ROBO1: variants seen among roughly 807,000 people sequenced by gnomAD.
ROBO1 encodes the protein roundabout guidance receptor 1.
ROBO1 carries 149 observed loss-of-function variants against 195.9 expected under a neutral mutation model. The observed-to-expected ratio is 0.76, with a 90% CI of 0.67 to 0.87. ROBO1 has a LOEUF of 0.87. ROBO1 is among the 40% of genes least tolerant of loss of function. The pLI is 0.00. For missense variants in ROBO1, 1,933 were observed against 2,068.3 expected (o/e 0.93, Z 1.27); for synonymous variants, 816 against 733.2 (o/e 1.11, Z -1.82).
chr3:79,299,315 T>C (rs2032765570), intron 2 of ROBO1, among the ~76,000 whole-genome samples: 1 of 152,196 alleles, frequency 6.6e-6, no homozygotes, highest in African/African-American at 2.4e-5. Flanking sequence ...AACTAGAGTG[T>C]AATGTTCAGT....
intron 2 of ROBO1, among the ~76,000 whole-genome samples, chr3:79,516,655 TG>T (rs1940957948): frequency 6.6e-6 from 1 of 152,190 alleles, no homozygotes; most frequent in South Asian, 2.1e-4. Context: ...AACTTTAATA[TG>T]TAGAGATCTT....
At chr3:79,421,361 C>T (rs1323574449) in intron 2 of ROBO1, among the ~76,000 whole-genome samples, 3 of 151,906 alleles carry the variant, frequency 2.0e-5, no homozygotes, top group Non-Finnish European at 4.4e-5. Context: ...CACATGTACC[C>T]TCATTCTAAA....
At chr3:79,700,288 C>CGT (rs141865243) in intron 1 of ROBO1, among the ~76,000 whole-genome samples, 4,607 of 147,664 alleles carry the variant, frequency 0.031, 162 homozygotes, top group African/African-American at 0.092. Context: ...GTGATGAACA[C>CGT]GTGTGTGTGT....
At chr3:79,218,199 G>A (rs984623771) in intron 2 of ROBO1, among the ~76,000 whole-genome samples, 3 of 151,940 alleles carry the variant, frequency 2.0e-5, no homozygotes, top group African/African-American at 7.2e-5. Context: ...CTTACATGAT[G>A]AGTGATAAAA....
chr3:79,235,654 T>C (rs1438097261), intron 2 of ROBO1, among the ~76,000 whole-genome samples: 1 of 152,156 alleles, frequency 6.6e-6, no homozygotes, highest in East Asian at 1.9e-4. Flanking sequence ...TATCACAACT[T>C]GGCTTTTCCT....
chr3:79,006,616 C>T (rs541025404), intron 3 of ROBO1, among the ~76,000 whole-genome samples: 1 of 152,076 alleles, frequency 6.6e-6, no homozygotes, highest in East Asian at 1.9e-4. Flanking sequence ...TCTGAAAGTC[C>T]ATCTGAAAGT....
intron 26 of ROBO1, among the ~76,000 whole-genome samples, chr3:78,619,498 A>G (rs2107413722): frequency 6.6e-6 from 1 of 151,628 alleles, no homozygotes; most frequent in Middle Eastern, 3.4e-3. Flanking sequence ...GTAAGATGAG[A>G]TAAGAATAGC....
intron 2 of ROBO1, among the ~76,000 whole-genome samples, chr3:79,536,350 T>C (rs1045427506): frequency 6.6e-6 from 1 of 152,162 alleles, no homozygotes; most frequent in African/African-American, 2.4e-5. Flanking sequence ...TGTGTATTTG[T>C]TCATTCCAGT....
intron 2 of ROBO1, among the ~76,000 whole-genome samples, chr3:79,328,749 C>T (rs1038624452): frequency 2.0e-5 from 3 of 151,990 alleles, no homozygotes; most frequent in African/African-American, 7.3e-5. Context: ...CTGTACCCAA[C>T]GTGTAGGCTT....
At chr3:79,522,325 T>G (rs374621505) in intron 2 of ROBO1, among the ~76,000 whole-genome samples, 1 of 121,564 alleles carries the variant, frequency 8.2e-6, no homozygotes, top group African/African-American at 3.6e-5. Flanking sequence ...TTCCCAAGAC[T>G]GTTACTTTTT....
At chr3:78,638,341 T>C (rs1705686574) in intron 22 of ROBO1, among the ~76,000 whole-genome samples, 1 of 150,544 alleles carries the variant, frequency 6.6e-6, no homozygotes, top group Non-Finnish European at 1.5e-5. Context: ...ACACTTAATA[T>C]GTACATATAT....
intron 2 of ROBO1, among the ~76,000 whole-genome samples, chr3:79,495,086 A>G (rs1939661806): frequency 6.6e-6 from 1 of 152,196 alleles, no homozygotes; most frequent in Non-Finnish European, 1.5e-5. Flanking sequence ...GTATACTCTG[A>G]AAGCCAGATT....
chr3:79,552,331 A>T (rs375296388), intron 2 of ROBO1, among the ~76,000 whole-genome samples: 1 of 152,052 alleles, frequency 6.6e-6, no homozygotes, highest in Non-Finnish European at 1.5e-5. Context: ...TCAGTTTCAT[A>T]TGTTAGATTC....
intron 4 of ROBO1, among the ~76,000 whole-genome samples, chr3:78,825,016 T>C (rs2031451728): frequency 6.6e-6 from 1 of 152,200 alleles, no homozygotes; most frequent in African/African-American, 2.4e-5. Context: ...ATTTCTTTTC[T>C]AAATAACCTC....
intron 1 of ROBO1, among the ~76,000 whole-genome samples, chr3:79,607,512 G>C (rs1197366132): frequency 6.6e-6 from 1 of 151,266 alleles, no homozygotes; most frequent in East Asian, 1.9e-4. Context: ...TTCCTAAGAA[G>C]TAACAGAAAA....
intron 2 of ROBO1, among the ~76,000 whole-genome samples, chr3:79,563,604 A>G (rs1942995851): frequency 6.6e-6 from 1 of 152,114 alleles, no homozygotes; most frequent in African/African-American, 2.4e-5. Context: ...CAATAAAAAG[A>G]AATTATTTGT....
intron 5 of ROBO1, among the ~76,000 whole-genome samples, chr3:78,740,351 C>A (rs1050610566): frequency 6.0e-5 from 9 of 150,940 alleles, no homozygotes; most frequent in African/African-American, 2.2e-4. Context: ...TAAAAATTGA[C>A]ATTTATTTAA....
At chr3:79,116,958 T>G (rs2080015804) in intron 3 of ROBO1, among the ~76,000 whole-genome samples, 1 of 152,236 alleles carries the variant, frequency 6.6e-6, no homozygotes, top group Non-Finnish European at 1.5e-5. Context: ...AAAGAGATTT[T>G]GAATCCATGG....
chr3:79,201,896 T>C (rs1055586299), intron 2 of ROBO1, among the ~76,000 whole-genome samples: 4 of 149,188 alleles, frequency 2.7e-5, no homozygotes, highest in African/African-American at 9.8e-5. Context: ...ATATATTATA[T>C]AATATATAAT....
Sources: gnomAD v4.1 joint callset for allele counts (sites outside exome capture counted in the v4.1 genomes callset) on GRCh38, gnomAD v4.1.1 for gene constraint, MANE v1.5 for transcripts, NCBI Gene and HGNC (gene_info 2026-07-23, HGNC 2026-07-21) for gene names.